DOCK1: variants seen among roughly 807,000 people sequenced by gnomAD.
The protein encoded by DOCK1 is dedicator of cytokinesis protein 1.
DOCK1 carries 138 observed loss-of-function variants against 262.7 expected under a neutral mutation model. The observed-to-expected ratio is 0.53, with a 90% CI of 0.46 to 0.61. The LOEUF (loss-of-function observed/expected upper bound fraction) is 0.61, where lower values mean the gene tolerates loss of function less well. Ranked by LOEUF, DOCK1 falls within the 20% of genes least tolerant of loss-of-function variation. DOCK1 has a pLI of 0.00. For missense variants in DOCK1, 1,908 were observed against 2,370.7 expected (o/e 0.80, Z 4.05); for synonymous variants, 866 against 867.4 (o/e 1.00, Z 0.03).
intron 27 of DOCK1, among the ~76,000 whole-genome samples, chr10:127,182,316 C>A (rs748744225): frequency 1.3e-5 from 2 of 152,110 alleles, no homozygotes; most frequent in Non-Finnish European, 2.9e-5. Flanking sequence ...AACAAAAAAA[C>A]CTATGGTCAG....
intron 31 of DOCK1, among the ~76,000 whole-genome samples, chr10:127,353,322 G>C (rs2063977575): frequency 6.6e-6 from 1 of 152,170 alleles, no homozygotes; most frequent in African/African-American, 2.4e-5. Context: ...TTTGTCATTA[G>C]TGCAGGAGCA....
At chr10:127,086,450 A>G (rs1275368595) in intron 23 of DOCK1, among the ~76,000 whole-genome samples, 2 of 152,206 alleles carry the variant, frequency 1.3e-5, no homozygotes, top group Non-Finnish European at 2.9e-5. Flanking sequence ...GAATGAATAC[A>G]AAAGAAGCAA....
At chr10:127,048,383 G>T (rs1421553122) in intron 21 of DOCK1, among the ~76,000 whole-genome samples, 1 of 151,888 alleles carries the variant, frequency 6.6e-6, no homozygotes, top group Non-Finnish European at 1.5e-5. Context: ...GTGTGTATGT[G>T]TTTGTGTGTT....
intron 27 of DOCK1, among the ~76,000 whole-genome samples, chr10:127,240,381 G>A (rs758236541): frequency 6.0e-5 from 9 of 151,226 alleles, no homozygotes; most frequent in Non-Finnish European, 1.2e-4. Context: ...TTGAATAAAG[G>A]CATCATGGGA....
At chr10:126,989,299 T>A (rs1275803088) in intron 5 of DOCK1, among the ~76,000 whole-genome samples, 2 of 152,106 alleles carry the variant, frequency 1.3e-5, no homozygotes, top group Non-Finnish European at 2.9e-5. Flanking sequence ...TTTAATGTTT[T>A]AAAGGGACCA....
chr10:127,014,234 C>G (rs2041693319), intron 12 of DOCK1, among the ~76,000 whole-genome samples: 2 of 152,222 alleles, frequency 1.3e-5, no homozygotes, highest in Non-Finnish European at 2.9e-5. Flanking sequence ...TTTATGTGGA[C>G]AGTGAATTCA....
chr10:126,926,091 G>A (rs2033694876), intron 1 of DOCK1, among the ~76,000 whole-genome samples: 1 of 152,010 alleles, frequency 6.6e-6, no homozygotes, highest in East Asian at 1.9e-4. Context: ...TCCTGTGACT[G>A]GAGAAAAGAG....
intron 22 of DOCK1, among the ~76,000 whole-genome samples, chr10:127,060,273 A>G (rs1000178147): frequency 6.6e-6 from 1 of 152,132 alleles, no homozygotes; most frequent in Non-Finnish European, 1.5e-5. Context: ...GGGTTGCACC[A>G]GTCTACCAGG....
chr10:127,275,307 T>C (rs1349440050), intron 29 of DOCK1, among the ~76,000 whole-genome samples: 1 of 150,992 alleles, frequency 6.6e-6, no homozygotes, highest in Non-Finnish European at 1.5e-5. Context: ...AGAGAGAGCA[T>C]AGAAATTAAC....
chr10:127,096,943 A>G (rs2047943422), intron 23 of DOCK1, among the ~76,000 whole-genome samples: 1 of 151,872 alleles, frequency 6.6e-6, no homozygotes, highest in Non-Finnish European at 1.5e-5. Context: ...CGTCTCTACT[A>G]AAAATACAAA....
At chr10:126,994,812 C>T (rs542304873) in intron 6 of DOCK1, among the ~76,000 whole-genome samples, 2 of 152,362 alleles carry the variant, frequency 1.3e-5, no homozygotes, top group Non-Finnish European at 2.9e-5. Flanking sequence ...TCATCATGGC[C>T]CGTTCTCAAT....
Position 127,098,242 on chromosome 10 carries a change from A to G in DOCK1, c.2446-7989A>G, listed in dbSNP as rs141277169. ...CAAAAGGCAAACAAAAACAGGAAAA[A>G]TCTTCAATGTCCTCAATTTCTATCA... On this transcript the variant is annotated intron_variant, in intron 23 of 51. Transcript: ENST00000623213. Among the ~76,000 whole-genome samples the G allele has an allele frequency of 1.9e-3, 294 of 152,318 alleles. 4 individuals carry two copies. The highest frequency in any genetic ancestry group is 1.1e-3 in the Non-Finnish European group (72 of 68,034).
intron 27 of DOCK1, chr10:127,137,330 T>G (rs2050786927): frequency 6.5e-6 from 1 of 153,154 alleles, no homozygotes. Context: ...TTGAAAAAAT[T>G]GTGCTTTCTC....
Position 127,176,046 on chromosome 10 carries a change from G to T in DOCK1, c.2847+48282G>T, listed in dbSNP as rs117242435. 1 of 1,614,148 alleles carries T rather than the reference G, an allele frequency of 6.2e-7. No individual in the cohort carries two copies. The highest frequency in any genetic ancestry group is 1.7e-5 in the Admixed American group (1 of 60,026). ...CCCCTTTTTGCGGTCCAGAGGGAAC[G>T]TCTGGTAACACTTCTTAAGGTCGGG... is the stretch of plus-strand genomic sequence containing the variant. On this transcript the variant is annotated intron_variant, in intron 27 of 51. Transcript: ENST00000623213. This position sits in a 1 kb window ranked among gnomAD's most constrained non-coding sequence, Gnocchi z 4.4.
At chr10:126,914,844 A>AG (rs2032274157) in intron 1 of DOCK1, among the ~76,000 whole-genome samples, 1 of 152,190 alleles carries the variant, frequency 6.6e-6, no homozygotes, top group South Asian at 2.1e-4. Flanking sequence ...GAGGGTGAGC[A>AG]GGGGCTCTGC....
chr10:126,983,720 G>T (rs180773946), intron 4 of DOCK1, among the ~76,000 whole-genome samples: 1 of 152,028 alleles, frequency 6.6e-6, no homozygotes. Context: ...ATTGACTCTC[G>T]TGAAGGATCT....
intron 1 of DOCK1, 104 bp downstream of exon 1, chr10:126,905,667 G>A (rs1591262644): frequency 1.9e-5 from 3 of 160,558 alleles, no homozygotes; most frequent in Middle Eastern, 2.7e-3. Flanking sequence ...CCGCCGGGCC[G>A]GGGAGAGGCG....
intron 29 of DOCK1, among the ~76,000 whole-genome samples, chr10:127,277,483 C>T (rs2060783603): frequency 6.6e-6 from 1 of 152,084 alleles, no homozygotes; most frequent in South Asian, 2.1e-4. Context: ...AAGGGCTGGG[C>T]ATGGTGGCTC....
chr10:127,437,455 A>G lies in DOCK1; in HGVS notation c.5061-1572A>G, dbSNP rs2069768548. Among the ~76,000 whole-genome samples the G allele has an allele frequency of 6.8e-6, 1 of 147,750 alleles. No homozygotes were observed. Among genetic ancestry groups the G allele is most frequent in the Non-Finnish European group, 1.5e-5 (1 of 67,422 alleles). Reference sequence around the variant, plus strand: ...ATCAACAGTGAGCAAATCAATGGGGAGCAAGATTGCTGCAATGACCATCTT... The same window carrying G: ...ATCAACAGTGAGCAAATCAATGGGGGGCAAGATTGCTGCAATGACCATCTT... On this transcript the variant is annotated intron_variant, in intron 48 of 51. Transcript: ENST00000623213. This position sits in a 1 kb window ranked among gnomAD's most constrained non-coding sequence, Gnocchi z 4.4.
Sources: allele counts gnomAD v4.1 joint callset (sites outside exome capture counted in the v4.1 genomes callset), GRCh38; gene constraint gnomAD v4.1.1; non-coding constraint Gnocchi (gnomAD v3.1); transcripts MANE v1.5; gene names NCBI Gene and HGNC (gene_info 2026-07-23, HGNC 2026-07-21).